Variants in ZFP2 observed in about 807,000 individuals in gnomAD.
ZFP2 encodes the protein ZFP2 zinc finger protein.
In ZFP2, 33 loss-of-function variants were observed where a neutral mutation model predicts 36.1. The observed-to-expected ratio is 0.92, with a 90% confidence interval of 0.69 to 1.22. The LOEUF is 1.22. ZFP2 is among the 50% of genes most tolerant of loss of function. The pLI is 0.00. For synonymous variants in ZFP2, 170 were observed against 178.0 expected, an observed-to-expected ratio of 0.96 and a Z score of 0.36; for missense variants, 522 against 551.4, an observed-to-expected ratio of 0.95 and a Z score of 0.53.
At chr5:178,898,025 C>T (rs1056333158) in intron 1 of ZFP2, among the ~76,000 whole-genome samples, 2 of 152,122 alleles carry the variant, frequency 1.3e-5, no homozygotes, top group African/African-American at 2.4e-5. Flanking sequence ...GAGTCTTGCT[C>T]TGTCACCGAG....
intron 4 of ZFP2, among the ~76,000 whole-genome samples, 193 bp from the exon 5 acceptor site, chr5:178,931,044 T>TG (rs1173833733): frequency 6.6e-6 from 1 of 152,218 alleles, no homozygotes; most frequent in Admixed American, 6.5e-5. Context: ...CTGTTATCTT[T>TG]GGATCAGTTC....
At chr5:178,922,212 T>A (rs906336059) in intron 4 of ZFP2, 3 of 1,094,998 alleles carry the variant, frequency 2.7e-6, no homozygotes, top group Non-Finnish European at 4.2e-6. Flanking sequence ...TGTTCTGGTT[T>A]TGTAACTGCT....
Position 178,931,219 on chromosome 5 carries a change from A to AT in ZFP2, c.-77-4dup, listed in dbSNP as rs10611847. ...AGCACAGAAACCAATGTGCATTTGA[A>AT]TTTTTTTTTTTTTTCAGACTGGGAG... On this transcript the variant is annotated splice_polypyrimidine_tract_variant and intron_variant, in intron 4 of 4. Coordinates refer to ENST00000361362, the MANE Select transcript of ZFP2 (RefSeq NM_030613.4). 47,217 of 1,216,780 alleles carry AT rather than the reference A, an allele frequency of 0.039. No individual in the cohort carries two copies. The highest frequency in any genetic ancestry group is 0.039 in the Non-Finnish European group (35,546 of 900,800). 75.4% of individuals were successfully genotyped at this position (1,216,780 alleles called of 1,614,324 possible). A position where few individuals can be genotyped will look rare whatever the true frequency, so the allele number is the denominator to read the frequency against.
intron 1 of ZFP2, chr5:178,909,908 G>A (rs914786153): frequency 1.3e-6 from 2 of 1,512,278 alleles, no homozygotes; most frequent in African/African-American, 1.4e-5. Flanking sequence ...AGTCCCGGGA[G>A]ATGCCCTTGA....
At position 178,931,986 on chromosome 5, in the gene ZFP2, C is replaced by T. The variant is rs1408865346; in HGVS notation, c.673C>T (p.Gln225Ter). The T allele has an allele frequency of 6.2e-7, 1 of 1,613,610 alleles. No individual in the cohort carries two copies. The highest frequency in any genetic ancestry group is 1.7e-5 in the Admixed American group (1 of 59,978). ...TAATGAATGTGGTAAAGCTTTTACC[C>T]AAAGCATGAATTTGACAGTTCATCA... Reference protein sequence around the residue: ...KCNECGKAFTQSMNLTVHQRT... With the variant: ...KCNECGKAFT Residue 225 changes from glutamine to a stop codon, truncating the protein, a stop_gained, in exon 5 of 5, where the codon CAA becomes TAA. Coordinates refer to ENST00000361362, the MANE Select transcript of ZFP2 (RefSeq NM_030613.4). LOFTEE classifies it high-confidence loss of function.
chr5:178,909,978 T>C, intron 1 of ZFP2: 1 of 1,410,044 alleles, frequency 7.1e-7, no homozygotes, highest in Non-Finnish European at 1.0e-6. Flanking sequence ...AGAATTGTTC[T>C]GGGTAGAGAC....
At chr5:178,896,935 T>G (rs1757956955) in intron 1 of ZFP2, among the ~76,000 whole-genome samples, 1 of 152,176 alleles carries the variant, frequency 6.6e-6, no homozygotes, top group South Asian at 2.1e-4. Context: ...CATCTACTTA[T>G]ACCAGATTTT....
chr5:178,913,792 A>T (rs1028246532), intron 3 of ZFP2: 1 of 152,006 alleles, frequency 6.6e-6, no homozygotes, highest in African/African-American at 2.4e-5. Flanking sequence ...TGCAAAAAAA[A>T]AAAATGCATT....
At chr5:178,917,475 T>TATGGTGGC (rs1758459849) in intron 4 of ZFP2, among the ~76,000 whole-genome samples, 1 of 151,984 alleles carries the variant, frequency 6.6e-6, no homozygotes, top group Admixed American at 6.6e-5. Context: ...ATTAGCCAGG[T>TATGGTGGC]ATGGTGGCAC....
chr5:178,904,671 ATTTGTT>A (rs1758129871), intron 1 of ZFP2, among the ~76,000 whole-genome samples: 3 of 111,236 alleles, frequency 2.7e-5, no homozygotes, highest in Non-Finnish European at 3.9e-5. Flanking sequence ...ACACTATTGT[ATTTGTT>A]GTCTCAGAAT....
intron 1 of ZFP2, among the ~76,000 whole-genome samples, chr5:178,905,971 C>T (rs1244019285): frequency 6.6e-6 from 1 of 152,122 alleles, no homozygotes; most frequent in African/African-American, 2.4e-5. Flanking sequence ...AGGCTGGTCT[C>T]GAACCCCTGA....
chr5:178,915,318 C>CTTTTTTTTTTT (rs1758396506), intron 3 of ZFP2, among the ~76,000 whole-genome samples: 2 of 112,554 alleles, frequency 1.8e-5, no homozygotes, highest in African/African-American at 3.2e-5. Flanking sequence ...AAAGGTTTTT[C>CTTTTTTTTTTT]TTTCTTTTTT....
At chr5:178,908,537 C>T (rs1439808355) in intron 1 of ZFP2, among the ~76,000 whole-genome samples, 1 of 149,848 alleles carries the variant, frequency 6.7e-6, no homozygotes, top group African/African-American at 2.5e-5. Context: ...ATATGCAAAA[C>T]AGATCTGGCA....
intron 1 of ZFP2, among the ~76,000 whole-genome samples, chr5:178,899,358 A>G (rs2113041847): frequency 6.6e-6 from 1 of 152,326 alleles, no homozygotes; most frequent in East Asian, 1.9e-4. Context: ...TGAAAGTTCA[A>G]ATAAAATAAT....
chr5:178,901,932 G>A (rs1758065487), intron 1 of ZFP2, among the ~76,000 whole-genome samples: 1 of 152,008 alleles, frequency 6.6e-6, no homozygotes, highest in African/African-American at 2.4e-5. Context: ...TCAGGAGTTC[G>A]AGACCAGCCT....
chr5:178,908,046 A>G (rs1758201148), intron 1 of ZFP2, among the ~76,000 whole-genome samples: 1 of 152,236 alleles, frequency 6.6e-6, no homozygotes, highest in East Asian at 1.9e-4. Flanking sequence ...TCACCAGACT[A>G]CAAATGCTCT....
intron 4 of ZFP2, among the ~76,000 whole-genome samples, chr5:178,926,642 G>C (rs113421376): frequency 1.3e-5 from 2 of 151,978 alleles, no homozygotes; most frequent in Non-Finnish European, 2.9e-5. Context: ...TCAGCCTCCT[G>C]AGTAGCTGGG....
At chr5:178,910,821 G>A (rs899250920) in intron 1 of ZFP2, among the ~76,000 whole-genome samples, 3 of 151,976 alleles carry the variant, frequency 2.0e-5, no homozygotes, top group African/African-American at 4.8e-5. Flanking sequence ...TACCCCTGCC[G>A]CCACCACCCC....
Position 178,933,032 on chromosome 5 carries a change from C to G in ZFP2, c.*333C>G. 1 of 222,024 alleles carries G rather than the reference C, an allele frequency of 4.5e-6. No homozygotes were observed. The highest frequency in any genetic ancestry group is 1.2e-4 in the East Asian group (1 of 8,204). The allele number at this position is 222,024 out of a possible 1,614,324, so 13.8% of individuals were successfully genotyped here. On this transcript the variant is annotated 3_prime_UTR_variant, in exon 5 of 5. Coordinates refer to ENST00000361362, the MANE Select transcript of ZFP2 (RefSeq NM_030613.4). Reference sequence around the variant, plus strand: ...GAGAGAAAAATGTGAGAGTGTTTAACTGGACAGCCCAGAGACCTGGTATGT... The same window carrying G: ...GAGAGAAAAATGTGAGAGTGTTTAAGTGGACAGCCCAGAGACCTGGTATGT...
Sources: gnomAD v4.1 joint callset for allele counts (sites outside exome capture counted in the v4.1 genomes callset) on GRCh38, gnomAD v4.1.1 for gene constraint, MANE v1.5 for transcripts, NCBI Gene and HGNC (gene_info 2026-07-23, HGNC 2026-07-21) for gene names.